CARF: variants seen among roughly 807,000 people sequenced by gnomAD.
CARF encodes the protein calcium responsive transcription factor.
In CARF, 57 loss-of-function variants were observed where a neutral mutation model predicts 82.0. The observed-to-expected ratio is 0.70, with a 90% CI of 0.56 to 0.87. The LOEUF (loss-of-function observed/expected upper bound fraction) is 0.87. CARF is among the 40% of genes least tolerant of loss of function. The probability of loss-of-function intolerance (pLI) is 0.00; values close to 1 mark genes in which losing one functional copy is unlikely to be tolerated. For missense variants in CARF, 771 were observed against 855.8 expected (o/e 0.90, Z 1.24); for synonymous variants, 268 against 290.1 (o/e 0.92, Z 0.77).
chr2:202,920,714 C>T (rs1276570118), intron 2 of CARF, among the ~76,000 whole-genome samples: 5 of 151,786 alleles, frequency 3.3e-5, no homozygotes, highest in African/African-American at 9.7e-5. Flanking sequence ...GTATTTAAAT[C>T]GTATTCTTGA....
intron 10 of CARF, among the ~76,000 whole-genome samples, chr2:202,969,682 A>G (rs901810494): frequency 6.6e-6 from 1 of 152,060 alleles, no homozygotes; most frequent in Admixed American, 6.6e-5. Context: ...AATCTACGGG[A>G]AAAAAATAGT....
intron 1 of CARF, among the ~76,000 whole-genome samples, chr2:202,915,003 G>A (rs1335603685): frequency 6.6e-6 from 1 of 151,510 alleles, no homozygotes; most frequent in Non-Finnish European, 1.5e-5. Context: ...GGTGGTGGTG[G>A]TGTTTGTTGT....
chr2:202,943,073 T>A (rs2058310862), intron 5 of CARF, 106 bp downstream of exon 5: 7 of 860,216 alleles, frequency 8.1e-6, no homozygotes, highest in Non-Finnish European at 5.3e-6. Context: ...TTGTGTTTAT[T>A]TATTTATTTA....
intron 16 of CARF, among the ~76,000 whole-genome samples, chr2:202,982,721 AG>A (rs1445541713): frequency 6.6e-6 from 1 of 152,162 alleles, no homozygotes; most frequent in Non-Finnish European, 1.5e-5. Flanking sequence ...ATGTGAAACC[AG>A]GAAGGTCATT....
At chr2:202,935,332 A>G (rs1693753965) in intron 3 of CARF, among the ~76,000 whole-genome samples, 1 of 146,458 alleles carries the variant, frequency 6.8e-6, no homozygotes, top group African/African-American at 2.5e-5. Context: ...ATTTATATAT[A>G]TATATATATA....
intron 5 of CARF, among the ~76,000 whole-genome samples, chr2:202,943,587 T>C (rs975621806): frequency 8.7e-6 from 1 of 115,160 alleles, no homozygotes; most frequent in Non-Finnish European, 1.7e-5. Flanking sequence ...TAATGGAATG[T>C]ACACACACAC....
At chr2:202,921,143 A>C in intron 2 of CARF, among the ~76,000 whole-genome samples, 1 of 152,116 alleles carries the variant, frequency 6.6e-6, no homozygotes, top group East Asian at 1.9e-4. Context: ...CTGGGACTAC[A>C]AGTGCGTGCC....
At chr2:202,969,149 C>T (rs2059673330) in intron 10 of CARF, among the ~76,000 whole-genome samples, 1 of 152,140 alleles carries the variant, frequency 6.6e-6, no homozygotes, top group African/African-American at 2.4e-5. Flanking sequence ...AAAAATTAGC[C>T]AGGCATAGTG....
chr2:202,942,856 G>T lies in CARF; in HGVS notation c.195G>T (p.Gly65=), dbSNP rs760427256. The T allele has an allele frequency of 5.6e-6, 9 of 1,613,918 alleles. No individual in the cohort carries two copies. The South Asian group carries it at 7.7e-5, about 14-fold the overall frequency. The change falls in exon 5 of 17, where the codon GGG becomes GGT. Residue 65 remains glycine (G), a synonymous_variant. Transcript: ENST00000438828. The part of the protein sequence containing the change: ...NNSLISQNIP[G]PLTQTQTLSA... ...CACTCATATCACAGAATATACCAGG[G>T]CCCCTGACTCAGACACAGACTCTTT...
rs2060467443 is a variant in CARF, at chr2:202,986,899, T to TATACATATATATATATATATAC, written c.*3278_*3279insCATATATATATATATATACATA. ...ATATATATATATATATATATATATA[T>TATACATATATATATATATATAC]ATATATATAGCAACTTGATGTATAG... On this transcript the variant is annotated 3_prime_UTR_variant, in exon 17 of 17. Transcript: ENST00000438828. 2 of 138,128 alleles carry TATACATATATATATATATATAC rather than the reference T, an allele frequency of 1.4e-5. No homozygotes were observed. The highest frequency in any genetic ancestry group is 2.1e-4 in the East Asian group (1 of 4,834). 8.6% of individuals were successfully genotyped at this position (138,128 alleles called of 1,614,324 possible). A position where few individuals can be genotyped will look rare whatever the true frequency, so the allele number is the denominator to read the frequency against.
In CARF at chr2:202,961,252, T is replaced by G. The variant is rs1380047284; in HGVS notation, c.658T>G (p.Tyr220Asp). ...LRSCEKIGDS[Y>D]RGYCVSETEL... is the part of the protein sequence containing the mutation. ...CCACATGCAGAAAATTGGAGATTCA[T>G]ACCGTGGCTACTGTGTAAGTGAGAC... The change falls in exon 9 of 17, where the codon TAC becomes GAC. Residue 220 changes from tyrosine to aspartate, a missense_variant. By Grantham distance (160) the Tyr-to-Asp change is radical. Transcript: ENST00000438828. The G allele has an allele frequency of 6.2e-7, 1 of 1,607,596 alleles. No homozygotes were observed. The highest frequency in any genetic ancestry group is 1.3e-5 in the African/African-American group (1 of 74,774).
At chr2:202,927,002 A>T (rs934894228) in intron 3 of CARF, among the ~76,000 whole-genome samples, 1 of 152,016 alleles carries the variant, frequency 6.6e-6, no homozygotes. Context: ...TTTTGTAGAG[A>T]TAAGGTTTCA....
At chr2:202,926,499 A>G (rs1263866172) in intron 3 of CARF, among the ~76,000 whole-genome samples, 1 of 152,198 alleles carries the variant, frequency 6.6e-6, no homozygotes, top group Non-Finnish European at 1.5e-5. Flanking sequence ...CTTGATTGTT[A>G]TATCTTTGTA....
chr2:202,915,523 G>A (rs1203480715), intron 1 of CARF, among the ~76,000 whole-genome samples: 1 of 152,114 alleles, frequency 6.6e-6, no homozygotes, highest in African/African-American at 2.4e-5. Flanking sequence ...AGGCTGGAGT[G>A]CAGTGGTGCA....
intron 2 of CARF, among the ~76,000 whole-genome samples, chr2:202,922,609 C>T (rs928138687): frequency 6.6e-6 from 1 of 151,994 alleles, no homozygotes; most frequent in Non-Finnish European, 1.5e-5. Flanking sequence ...TTCAGACAAG[C>T]CTGGTCAACA....
At chr2:202,956,412 C>T (rs1273528623) in intron 8 of CARF, among the ~76,000 whole-genome samples, 3 of 151,990 alleles carry the variant, frequency 2.0e-5, no homozygotes, top group African/African-American at 4.8e-5. Context: ...TGTGCCACCA[C>T]ACCTGGCTAA....
chr2:202,980,590 C>T (rs1452386509), intron 14 of CARF, among the ~76,000 whole-genome samples: 1 of 106,538 alleles, frequency 9.4e-6, no homozygotes, highest in African/African-American at 3.9e-5. Flanking sequence ...ACACTAGATT[C>T]GAGTTACAGA....
In CARF at chr2:202,941,834, T is replaced by C. The variant is rs1213766766; in HGVS notation, c.-43-26T>C. On this transcript the variant is annotated intron_variant, in intron 3 of 16. Transcript: ENST00000438828. ...TCCACAAAAATACTAAGTGCTTTAGTTGATCAGCTATTTAAACTCTTTCAG... is the reference window on the plus strand; with the variant it reads ...TCCACAAAAATACTAAGTGCTTTAGCTGATCAGCTATTTAAACTCTTTCAG... The C allele has an allele frequency of 4.9e-6, 6 of 1,228,672 alleles. No homozygotes were observed. The African/African-American group carries it at 9.0e-5, about 18-fold the overall frequency. The allele number at this position is 1,228,672 out of a possible 1,614,324, so 76.1% of individuals were successfully genotyped here.
chr2:202,914,646 G>C (rs1171541126), intron 1 of CARF, among the ~76,000 whole-genome samples: 1 of 151,878 alleles, frequency 6.6e-6, no homozygotes, highest in Non-Finnish European at 1.5e-5. Context: ...AGGCATGGTG[G>C]GGGGTGCCTA....
Sources: gnomAD v4.1 joint callset for allele counts (sites outside exome capture counted in the v4.1 genomes callset) on GRCh38, gnomAD v4.1.1 for gene constraint, MANE v1.5 for transcripts, NCBI Gene and HGNC (gene_info 2026-07-23, HGNC 2026-07-21) for gene names.